Variants in PLAT observed in about 807,000 individuals in gnomAD.
PLAT encodes the protein plasminogen activator, tissue type.
Under a neutral mutation model 74.9 loss-of-function variants are expected in PLAT, and 48 were observed. The ratio of observed to expected loss-of-function variants is 0.64; its 90% CI spans 0.51 to 0.82. The LOEUF (loss-of-function observed/expected upper bound fraction) is 0.82. Among genes scored for constraint, PLAT ranks in the 40% least tolerant of loss-of-function variants. The pLI is 0.00. For synonymous variants in PLAT, 307 were observed against 294.4 expected (o/e 1.04, Z -0.44); for missense variants, 673 against 736.2 (o/e 0.91, Z 0.99).
chr8:42,203,387 C>T (rs914054660), intron 1 of PLAT, among the ~76,000 whole-genome samples: 2 of 152,150 alleles, frequency 1.3e-5, no homozygotes, highest in Non-Finnish European at 2.9e-5. Flanking sequence ...AATTCACAGC[C>T]GGGCAGCTGC....
intron 3 of PLAT, among the ~76,000 whole-genome samples, chr8:42,190,426 A>G (rs2129760748): frequency 6.6e-6 from 1 of 152,298 alleles, no homozygotes; most frequent in Middle Eastern, 3.4e-3. Context: ...AAGTACTCCC[A>G]TTAATATTTT....
chr8:42,187,848 G>A, intron 5 of PLAT, 58 bp downstream of exon 5: 3 of 1,195,378 alleles, frequency 2.5e-6, no homozygotes, highest in South Asian at 1.2e-5. Context: ...CCTTCCGGGG[G>A]CGGGGGAGAC....
chr8:42,179,808 C>T, intron 12 of PLAT, 118 bp downstream of exon 12: 2 of 1,005,776 alleles, frequency 2.0e-6, no homozygotes, highest in Non-Finnish European at 1.4e-6. Flanking sequence ...ACGGGACTGG[C>T]GTCAGTGCCT....
rs1281231036 is a variant in PLAT, at chr8:42,183,393, TGAGA to T, written c.632-507_632-504del. 5.9e-5 allele frequency among the ~76,000 whole-genome samples: 9 copies of T among 152,292 alleles called. No homozygotes were observed. In the South Asian group the frequency reaches 1.2e-3, roughly 21 times the overall value. ...GAAGTGGCTCCCTAGATTGCTATGT[TGAGA>T]GAGAGTCTGGGGACATCTTCAGGTT... On this transcript the variant is annotated intron_variant, in intron 7 of 13. Coordinates refer to ENST00000220809, the MANE Select transcript of PLAT (RefSeq NM_000930.5).
rs767418692 is a variant in PLAT, at chr8:42,187,112, CATCT to C, written c.539+282_539+285del. On this transcript the variant is annotated intron_variant, in intron 6 of 13. Coordinates refer to ENST00000220809, the MANE Select transcript of PLAT (RefSeq NM_000930.5). Reference sequence around the variant, plus strand: ...ATCTATCAATCATCTATCAATCTATCATCTATCTATCACCTATCATCTGTCTATC... The same window carrying C: ...ATCTATCAATCATCTATCAATCTATCATCTATCACCTATCATCTGTCTATC... 561 of 245,706 alleles carry C rather than the reference CATCT, an allele frequency of 2.3e-3. 6 individuals carry two copies. The highest frequency in any genetic ancestry group is 4.5e-3 in the South Asian group (23 of 5,130). 15.2% of individuals were successfully genotyped at this position (245,706 alleles called of 1,614,324 possible).
At chr8:42,178,516 C>T (rs1355545400) in intron 13 of PLAT, among the ~76,000 whole-genome samples, 1 of 152,158 alleles carries the variant, frequency 6.6e-6, no homozygotes. Context: ...GTGAGCCTCC[C>T]ACCTCAGCCT....
intron 3 of PLAT, among the ~76,000 whole-genome samples, chr8:42,190,632 G>A (rs527414114): frequency 1.4e-4 from 21 of 152,292 alleles, no homozygotes; most frequent in East Asian, 7.7e-4. Flanking sequence ...GGTGTGACTC[G>A]CTCTGGGGAG....
At chr8:42,182,957 C>T in intron 7 of PLAT, 67 bp from the exon 8 acceptor site, 1 of 1,363,128 alleles carries the variant, frequency 7.3e-7, no homozygotes, top group South Asian at 1.3e-5. Context: ...AGGGCTGGGG[C>T]TTGAAGCGGA....
At position 42,187,994 on chromosome 8, in the gene PLAT, G is replaced by T; in HGVS notation, c.276C>A (p.Phe92Leu). ...GGGCCTGCTGGCAGGTGCCCCCGTT[G>T]AAACACCTTGGCTCGCTGCAACCTG... Reference protein sequence around the residue: ...PVKSCSEPRCFNGGTCQQALY... With the variant: ...PVKSCSEPRCLNGGTCQQALY... Residue 92 changes from phenylalanine (F) to leucine (L), a missense_variant, in exon 5 of 14, where the codon TTC becomes TTA. Coordinates refer to ENST00000220809, the MANE Select transcript of PLAT (RefSeq NM_000930.5). 6.2e-7 allele frequency: 1 copy of T among 1,612,568 alleles called. No individual in the cohort carries two copies.
chr8:42,189,757 C>G (rs1805615800), intron 3 of PLAT, among the ~76,000 whole-genome samples: 1 of 150,922 alleles, frequency 6.6e-6, no homozygotes, highest in Admixed American at 6.6e-5. Context: ...CGATACCATG[C>G]CCGGCTAATT....
In PLAT at chr8:42,193,147, C is replaced by A. The variant is rs1346989265; in HGVS notation, c.39G>T (p.Leu13=). The A allele has an allele frequency of 6.2e-7, 1 of 1,613,646 alleles. No individual in the cohort carries two copies. The highest frequency in any genetic ancestry group is 1.1e-5 in the South Asian group (1 of 91,076). ...GCGAAACGAAGACTGCTCCACACAG[C>A]AGCAGCACACAGCAGAGCCCTCTCT... The part of the protein sequence containing the change: ...AMKRGLCCVL[L]LCGAVFVSPS... The change falls in exon 2 of 14, where the codon CTG becomes CTT. Residue 13 remains leucine, a synonymous_variant. Coordinates refer to ENST00000220809, the MANE Select transcript of PLAT (RefSeq NM_000930.5).
intron 1 of PLAT, among the ~76,000 whole-genome samples, chr8:42,199,388 C>T (rs575104728): frequency 1.4e-4 from 22 of 152,298 alleles, no homozygotes; most frequent in Non-Finnish European, 5.9e-5. Context: ...AGGAGCATCA[C>T]TTGAGGCGAG....
chr8:42,191,386 G>T lies in PLAT; in HGVS notation c.101C>A (p.Ala34Asp), dbSNP rs8178733. ...QEIHARFRRG[A>D]RSYQVICRDE... ...CTTCACCCGACCTTGGTAAGATCTGGCTCCTCTTCTGAATCGGGCATGGAT... is the reference window on the plus strand; with the variant it reads ...CTTCACCCGACCTTGGTAAGATCTGTCTCCTCTTCTGAATCGGGCATGGAT... The change falls in exon 3 of 14, where the codon GCC (alanine) becomes GAC (aspartate). Residue 34 changes from alanine (A) to aspartate (D), a missense_variant. Coordinates refer to ENST00000220809, the MANE Select transcript of PLAT (RefSeq NM_000930.5). The T allele has an allele frequency of 3.1e-4, 500 of 1,614,066 alleles. 1 individual carries two copies. The African/African-American group carries it at 5.8e-3, about 19-fold the overall frequency.
At chr8:42,180,736 T>C in intron 9 of PLAT, 51 bp from the exon 10 acceptor site, 1 of 1,385,354 alleles carries the variant, frequency 7.2e-7, no homozygotes, top group Non-Finnish European at 9.8e-7. Context: ...CTCCTGCACG[T>C]GTGTAGGTAG....
At position 42,199,283 on chromosome 8, in the gene PLAT, T is replaced by C. The variant is rs555475491; in HGVS notation, c.-26-6072A>G. Among the ~76,000 whole-genome samples the C allele has an allele frequency of 2.2e-4, 34 of 152,322 alleles. No homozygotes were observed. In the South Asian group the frequency reaches 5.2e-3, roughly 23 times the overall value. On this transcript the variant is annotated intron_variant, in intron 1 of 13. Coordinates refer to ENST00000220809, the MANE Select transcript of PLAT (RefSeq NM_000930.5). ...AGGAAGAGTCTGTTTCTTATCTAAT[T>C]TCACCAATTCCAATGAAGTGAAGAG... is the stretch of plus-strand genomic sequence containing the variant.
chr8:42,190,580 G>A (rs988308032), intron 3 of PLAT, among the ~76,000 whole-genome samples: 3 of 152,222 alleles, frequency 2.0e-5, no homozygotes, highest in Admixed American at 6.5e-5. Context: ...TAACCTGGTA[G>A]GAAGCAGGAT....
At chr8:42,184,266 A>G (rs1397682587) in intron 7 of PLAT, among the ~76,000 whole-genome samples, 1 of 152,048 alleles carries the variant, frequency 6.6e-6, no homozygotes, top group Non-Finnish European at 1.5e-5. Flanking sequence ...ACTTAAAAAA[A>G]ATCTTTCATA....
intron 6 of PLAT, 61 bp from the exon 7 acceptor site, chr8:42,185,233 C>T (rs1418597617): frequency 1.9e-6 from 2 of 1,038,590 alleles, no homozygotes; most frequent in Non-Finnish European, 2.9e-6. Flanking sequence ...TCCTTTAGGA[C>T]CCAAGGACTT....
chr8:42,190,400 A>G (rs934027352), intron 3 of PLAT, among the ~76,000 whole-genome samples: 3 of 152,246 alleles, frequency 2.0e-5, no homozygotes, highest in African/African-American at 7.2e-5. Context: ...TATTTTTGGC[A>G]TAATGAAAAT....
Sources: allele counts gnomAD v4.1 joint callset (sites outside exome capture counted in the v4.1 genomes callset), GRCh38; gene constraint gnomAD v4.1.1; transcripts MANE v1.5; gene names NCBI Gene and HGNC (gene_info 2026-07-23, HGNC 2026-07-21).